Variants in THSD7B observed in about 807,000 individuals in gnomAD.
THSD7B encodes the protein thrombospondin type-1 domain-containing protein 7B.
THSD7B carries 138 observed loss-of-function variants against 213.6 expected under a neutral mutation model. The observed-to-expected ratio is 0.65, with a 90% CI of 0.56 to 0.74. THSD7B has a LOEUF of 0.74. THSD7B is among the 30% of genes least tolerant of loss of function. THSD7B has a pLI of 0.00. For synonymous variants in THSD7B, 742 were observed against 687.0 expected (o/e 1.08, Z -1.25); for missense variants, 1,931 against 1,991.5 (o/e 0.97, Z 0.58).
At chr2:137,453,146 A>G (rs1472618173) in intron 15 of THSD7B, among the ~76,000 whole-genome samples, 2 of 151,874 alleles carry the variant, frequency 1.3e-5, no homozygotes, top group African/African-American at 4.8e-5. Context: ...TAAATTAAGA[A>G]CCTCACCCGA....
intron 3 of THSD7B, among the ~76,000 whole-genome samples, chr2:137,059,473 G>A (rs542733354): frequency 3.9e-5 from 6 of 151,924 alleles, no homozygotes; most frequent in Admixed American, 6.6e-5. Context: ...CCACAATTAC[G>A]GTATCATACA....
chr2:136,990,312 G>C (rs150647936), intron 2 of THSD7B, among the ~76,000 whole-genome samples: 1,895 of 152,340 alleles, frequency 0.012, 25 homozygotes, highest in Middle Eastern at 0.031. Context: ...CTTTCAGATA[G>C]ATTGGTCTTT....
intron 6 of THSD7B, among the ~76,000 whole-genome samples, chr2:137,164,729 A>C (rs1158393579): frequency 1.3e-5 from 2 of 152,218 alleles, no homozygotes; most frequent in African/African-American, 4.8e-5. Flanking sequence ...TATCCTTTGT[A>C]GGGACATGGA....
At chr2:137,211,036 T>C (rs1351366522) in intron 7 of THSD7B, among the ~76,000 whole-genome samples, 1 of 151,998 alleles carries the variant, frequency 6.6e-6, no homozygotes, top group Non-Finnish European at 1.5e-5. Context: ...TTCTTAATTA[T>C]ATTTTTTACT....
At chr2:137,244,132 C>A (rs530042922) in intron 10 of THSD7B, among the ~76,000 whole-genome samples, 2 of 152,136 alleles carry the variant, frequency 1.3e-5, no homozygotes, top group African/African-American at 4.8e-5. Flanking sequence ...TGAAAGGCAG[C>A]ATCTAGGAGG....
At chr2:137,268,684 C>T (rs1682661135) in intron 10 of THSD7B, among the ~76,000 whole-genome samples, 1 of 152,086 alleles carries the variant, frequency 6.6e-6, no homozygotes, top group African/African-American at 2.4e-5. Flanking sequence ...TCAGCAAGGT[C>T]TTTATGACCT....
At position 137,485,426 on chromosome 2, in the gene THSD7B, T is replaced by C. The variant is rs998498704; in HGVS notation, c.3138+34403T>C. On this transcript the variant is annotated intron_variant, in intron 15 of 27. Coordinates refer to ENST00000409968, the MANE Select transcript of THSD7B (RefSeq NM_001316349.2). ...AACATGCTGTTTTGGTTACTGTAGCTTTGTAGTATAGTTTGAAGTCAGGTA... is the reference window on the plus strand; with the variant it reads ...AACATGCTGTTTTGGTTACTGTAGCCTTGTAGTATAGTTTGAAGTCAGGTA... Among the ~76,000 whole-genome samples, 11 of 152,168 alleles carry C rather than the reference T, an allele frequency of 7.2e-5. 1 individual carries two copies. The highest frequency in any genetic ancestry group is 2.1e-4 in the South Asian group (1 of 4,830).
chr2:137,335,217 C>T (rs186559866), intron 12 of THSD7B, among the ~76,000 whole-genome samples: 2 of 152,188 alleles, frequency 1.3e-5, no homozygotes, highest in South Asian at 4.1e-4. Flanking sequence ...ACAATACAAC[C>T]ATTTATAAGT....
chr2:137,121,355 A>G (rs937245742), intron 5 of THSD7B, among the ~76,000 whole-genome samples: 21 of 152,190 alleles, frequency 1.4e-4, no homozygotes, highest in Admixed American at 4.6e-4. Context: ...GGCTTATGGA[A>G]AAATTTACTT....
intron 17 of THSD7B, among the ~76,000 whole-genome samples, chr2:137,603,926 C>A (rs1187905952): frequency 6.6e-6 from 1 of 152,084 alleles, no homozygotes; most frequent in East Asian, 1.9e-4. Context: ...GCCTGGCCAA[C>A]ATGGTGAAAC....
rs769174481 is a variant in THSD7B at position 137,657,206 on chromosome 2, A to T, written c.4375+46A>T. ...TGTGGGCACTTCACAAACACCCCTGAGTGTTGTTATTTGTGAGAAGAATTA... is the reference window on the plus strand; with the variant it reads ...TGTGGGCACTTCACAAACACCCCTGTGTGTTGTTATTTGTGAGAAGAATTA... On this transcript the variant is annotated intron_variant, in intron 24 of 27. Transcript: ENST00000409968. 1.7e-5 allele frequency: 27 copies of T among 1,547,680 alleles called. 1 individual carries two copies. In the South Asian group the frequency reaches 2.9e-4, roughly 17 times the overall value.
rs183193845 is a variant in THSD7B, at chr2:137,533,775, C to T, written c.3139-29446C>T. Among the ~76,000 whole-genome samples, 40 of 152,014 alleles carry T rather than the reference C, an allele frequency of 2.6e-4. No individual in the cohort carries two copies. In the East Asian group the frequency reaches 7.2e-3, roughly 27 times the overall value. On this transcript the variant is annotated intron_variant, in intron 15 of 27. Transcript: ENST00000409968. ...GGGTTATTGAGATTTCAGCAAGTTG[C>T]ATATGATTAAAAGGACTCTCAGAAC...
intron 2 of THSD7B, among the ~76,000 whole-genome samples, chr2:136,972,298 T>C (rs1991576): frequency 0.094 from 14,273 of 152,174 alleles, 844 homozygotes; most frequent in East Asian, 0.22. Flanking sequence ...AATTAAGATA[T>C]TAAAATATAA....
At chr2:137,331,558 G>A (rs558069608) in intron 12 of THSD7B, among the ~76,000 whole-genome samples, 2 of 152,240 alleles carry the variant, frequency 1.3e-5, no homozygotes, top group Non-Finnish European at 2.9e-5. Flanking sequence ...AGTGGATCCA[G>A]CACTGGGGCT....
At position 136,915,672 on chromosome 2, in the gene THSD7B, G is replaced by T. The variant is rs1684337458; in HGVS notation, c.139+33355G>T. 2.6e-5 allele frequency among the ~76,000 whole-genome samples: 4 copies of T among 152,190 alleles called. No individual in the cohort carries two copies. The South Asian group carries it at 8.3e-4, about 31-fold the overall frequency. On this transcript the variant is annotated intron_variant, in intron 2 of 27. Transcript: ENST00000409968. ...TAGCATTTCCATTTTCTAGGCTGAA[G>T]CACAGAGAGGTAAAGTACCTGGCCC... is the stretch of plus-strand genomic sequence containing the variant.
Position 137,095,114 on chromosome 2 carries a change from T to G in THSD7B, c.1192T>G (p.Cys398Gly), listed in dbSNP as rs1269984535. Reference sequence around the variant, plus strand: ...TGTTGAAGGAGAACTTCTGCAGCAATGTCCCAGGTATTACGCCTTTATGCC... The same window carrying G: ...TGTTGAAGGAGAACTTCTGCAGCAAGGTCCCAGGTATTACGCCTTTATGCC... The part of the protein sequence containing the change: ...CIVEGELLQQ[C>G]PRYSWRTSEW... The change falls in exon 4 of 28, where the codon TGT becomes GGT. Residue 398 changes from cysteine (C) to glycine (G), a missense_variant. Transcript: ENST00000409968. The G allele has an allele frequency of 1.9e-6, 3 of 1,613,702 alleles. No individual in the cohort carries two copies. In the Admixed American group the frequency reaches 5.0e-5, roughly 27 times the overall value.
At chr2:137,087,217 TA>T (rs1240704648) in intron 3 of THSD7B, among the ~76,000 whole-genome samples, 3 of 152,156 alleles carry the variant, frequency 2.0e-5, no homozygotes, top group Admixed American at 1.3e-4. Context: ...GTGCTATCTG[TA>T]AATACAGGTA....
rs1183382249 is a variant in THSD7B at position 137,208,861 on chromosome 2, G to A, written c.1724-22183G>A. Among the ~76,000 whole-genome samples, 5 of 152,016 alleles carry A rather than the reference G, an allele frequency of 3.3e-5. 1 individual carries two copies. The highest frequency in any genetic ancestry group is 5.9e-5 in the Non-Finnish European group (4 of 67,978). On this transcript the variant is annotated intron_variant, in intron 7 of 27. Coordinates refer to ENST00000409968, the MANE Select transcript of THSD7B (RefSeq NM_001316349.2). ...AAACATCTCAAAAGGCTAATCTTAGGATCTACAATAGCAATGCTGTGTGCA... is the reference window on the plus strand; with the variant it reads ...AAACATCTCAAAAGGCTAATCTTAGAATCTACAATAGCAATGCTGTGTGCA...
intron 5 of THSD7B, among the ~76,000 whole-genome samples, chr2:137,120,690 G>A (rs1688530244): frequency 6.6e-6 from 1 of 152,122 alleles, no homozygotes; most frequent in African/African-American, 2.4e-5. Flanking sequence ...ATTGATGCAG[G>A]ATCCTAGACT....
Sources: gnomAD v4.1 joint callset for allele counts (sites outside exome capture counted in the v4.1 genomes callset) on GRCh38, gnomAD v4.1.1 for gene constraint, MANE v1.5 for transcripts, NCBI Gene and HGNC (gene_info 2026-07-23, HGNC 2026-07-21) for gene names.